The following VWA8 variants were observed in gnomAD, a reference collection of about 807,000 sequenced individuals.
VWA8 encodes von Willebrand factor A domain containing 8.
Under a neutral mutation model 241.5 loss-of-function variants are expected in VWA8, and 221 were observed. The observed-to-expected ratio is 0.91, with a 90% CI of 0.82 to 1.02. VWA8 has a LOEUF of 1.02. VWA8 is among the 50% of genes least tolerant of loss of function. The pLI is 0.00. For synonymous variants in VWA8, 852 were observed against 827.1 expected (o/e 1.03, Z -0.52); for missense variants, 2,322 against 2,328.7 (o/e 1.00, Z 0.06).
chr13:41,902,947 C>T (rs538247034), intron 4 of VWA8, among the ~76,000 whole-genome samples: 8 of 152,286 alleles, frequency 5.3e-5, no homozygotes, highest in Non-Finnish European at 1.0e-4. Context: ...CAGAGAGCCA[C>T]AGGTACTTTT....
chr13:41,610,310 A>C (rs2044579017), intron 39 of VWA8, among the ~76,000 whole-genome samples: 1 of 152,222 alleles, frequency 6.6e-6, no homozygotes, highest in African/African-American at 2.4e-5. Flanking sequence ...AAACACTTTC[A>C]TTCCTAACAT....
At chr13:41,758,348 T>C in intron 21 of VWA8, among the ~76,000 whole-genome samples, 1 of 134,234 alleles carries the variant, frequency 7.4e-6, no homozygotes, top group Admixed American at 7.5e-5. Context: ...TTAAATTTTT[T>C]CCCATTGCTA....
chr13:41,954,399 C>T (rs1452455587), intron 1 of VWA8, among the ~76,000 whole-genome samples: 1 of 152,156 alleles, frequency 6.6e-6, no homozygotes, highest in South Asian at 2.1e-4. Context: ...TAACCAGCTC[C>T]ACCTCTTGTA....
chr13:41,786,130 T>C lies in VWA8; in HGVS notation c.2170+1307A>G, dbSNP rs556005484. 8.5e-5 allele frequency among the ~76,000 whole-genome samples: 13 copies of C among 152,294 alleles called. No individual in the cohort carries two copies. In the East Asian group the frequency reaches 2.3e-3, roughly 27 times the overall value. On this transcript the variant is annotated intron_variant, in intron 18 of 44. Coordinates refer to ENST00000379310, the MANE Select transcript of VWA8 (RefSeq NM_015058.2). ...ACATTTGTCAAGTTTCTCAGCCTAG[T>C]AGGCTGTAAACCTGATTTTGTCATC... is the stretch of plus-strand genomic sequence containing the variant.
chr13:41,887,462 CTG>C, intron 5 of VWA8, 101 bp from the exon 6 acceptor site: 1 of 1,293,468 alleles, frequency 7.7e-7, no homozygotes. Flanking sequence ...GTTGAGAAAA[CTG>C]TATTGGAGAA....
chr13:41,800,622 A>G (rs1869907027), intron 17 of VWA8, among the ~76,000 whole-genome samples: 1 of 89,498 alleles, frequency 1.1e-5, no homozygotes, highest in South Asian at 6.9e-4. Context: ...CACCGTCTCT[A>G]CTAAAAATAC....
At position 41,961,101 on chromosome 13, in the gene VWA8, G is replaced by T; in HGVS notation, c.-86C>A. On this transcript the variant is annotated 5_prime_UTR_variant, in exon 1 of 45. Coordinates refer to ENST00000379310, the MANE Select transcript of VWA8 (RefSeq NM_015058.2). Reference sequence around the variant, plus strand: ...AGGCACCGTGAGGCAGCGCGGAGAAGGGGACAGGAAGCGGCACCTAGCCGA... The same window carrying T: ...AGGCACCGTGAGGCAGCGCGGAGAATGGGACAGGAAGCGGCACCTAGCCGA... 7.9e-7 allele frequency: 1 copy of T among 1,259,376 alleles called. No homozygotes were observed. The highest frequency in any genetic ancestry group is 1.0e-6 in the Non-Finnish European group (1 of 976,910). The allele number at this position is 1,259,376 out of a possible 1,614,324, so 78.0% of individuals were successfully genotyped here.
At chr13:41,833,226 C>CA (rs1411539324) in intron 13 of VWA8, 145 bp downstream of exon 13, 27 of 958,330 alleles carry the variant, frequency 2.8e-5, no homozygotes, top group Non-Finnish European at 3.8e-5. Context: ...AAAAAAGTGC[C>CA]ATTCTACTTG....
intron 10 of VWA8, 55 bp from the exon 11 acceptor site, chr13:41,866,091 T>C (rs1459323398): frequency 6.3e-7 from 1 of 1,593,604 alleles, no homozygotes; most frequent in Non-Finnish European, 8.6e-7. Context: ...CTCACGCCTA[T>C]AATCCCAACA....
At chr13:41,597,699 G>A (rs1473347906) in intron 40 of VWA8, among the ~76,000 whole-genome samples, 13 of 151,798 alleles carry the variant, frequency 8.6e-5, no homozygotes, top group Admixed American at 1.3e-4. Flanking sequence ...GGAACATCTC[G>A]GTGTGCAAAC....
chr13:41,573,482 A>ATATATATATATAT (rs1391223657), intron 43 of VWA8, among the ~76,000 whole-genome samples: 56 of 114,600 alleles, frequency 4.9e-4, no homozygotes, highest in African/African-American at 2.1e-3. Context: ...TTTAAAAAAA[A>ATATATATATATAT]AAAAATATAT....
intron 17 of VWA8, among the ~76,000 whole-genome samples, chr13:41,788,401 G>A (rs1448020097): frequency 6.6e-6 from 1 of 152,164 alleles, no homozygotes; most frequent in Non-Finnish European, 1.5e-5. Flanking sequence ...GAGAGCATGA[G>A]GCAGCAAATA....
At chr13:41,661,505 C>T (rs924901031) in intron 37 of VWA8, among the ~76,000 whole-genome samples, 1 of 151,948 alleles carries the variant, frequency 6.6e-6, no homozygotes, top group Non-Finnish European at 1.5e-5. Flanking sequence ...GTTATGTAAC[C>T]TCTCTGGGCC....
chr13:41,763,582 T>C (rs1288898459), intron 20 of VWA8, among the ~76,000 whole-genome samples: 2 of 152,228 alleles, frequency 1.3e-5, no homozygotes, highest in East Asian at 3.8e-4. Context: ...ACAACTGGTA[T>C]GTAAACTTTA....
chr13:41,745,598 C>T (rs890323664), intron 21 of VWA8, among the ~76,000 whole-genome samples: 2 of 152,124 alleles, frequency 1.3e-5, no homozygotes, highest in African/African-American at 4.8e-5. Context: ...CCAACAGACA[C>T]ATGAAAAAAT....
chr13:41,802,311 C>A (rs910977506), intron 17 of VWA8, among the ~76,000 whole-genome samples: 1 of 152,222 alleles, frequency 6.6e-6, no homozygotes, highest in Non-Finnish European at 1.5e-5. Context: ...TCAGCCCTAG[C>A]TAGAGGGGAA....
rs45495191 is a variant in VWA8 at position 41,691,896 on chromosome 13, G to A, written c.3718C>T (p.Leu1240=). 34 of 1,610,340 alleles carry A rather than the reference G, an allele frequency of 2.1e-5. No individual in the cohort carries two copies. Among genetic ancestry groups the A allele is most frequent in the Non-Finnish European group, 2.8e-5 (33 of 1,177,296 alleles). The part of the protein sequence containing the change: ...MCKEFSHKNW[L]VFYKEKGNSL... ...CACCCTTTTTCTTTGTAGAACACCAGCCAGTTTTTGTGTGAAAATTCTTTA... is the reference window on the plus strand; with the variant it reads ...CACCCTTTTTCTTTGTAGAACACCAACCAGTTTTTGTGTGAAAATTCTTTA... Residue 1240 remains leucine (L), a synonymous_variant, in exon 31 of 45, where the codon CTG becomes TTG. Coordinates refer to ENST00000379310, the MANE Select transcript of VWA8 (RefSeq NM_015058.2).
chr13:41,823,485 C>A (rs1208233485), intron 14 of VWA8, among the ~76,000 whole-genome samples: 1 of 152,036 alleles, frequency 6.6e-6, no homozygotes, highest in Non-Finnish European at 1.5e-5. Context: ...CTCTCAACTC[C>A]CTCATTTATG....
intron 12 of VWA8, among the ~76,000 whole-genome samples, chr13:41,841,431 T>C (rs1871994411): frequency 6.6e-6 from 1 of 152,144 alleles, no homozygotes; most frequent in Non-Finnish European, 1.5e-5. Context: ...AAAAATGCTT[T>C]AGTTAAAAGT....
Sources: gnomAD v4.1 joint callset for allele counts (sites outside exome capture counted in the v4.1 genomes callset) on GRCh38, gnomAD v4.1.1 for gene constraint, MANE v1.5 for transcripts, NCBI Gene and HGNC (gene_info 2026-07-23, HGNC 2026-07-21) for gene names.